The following ALPK1 variants were observed in gnomAD, a reference collection of about 807,000 sequenced individuals.
ALPK1 encodes alpha kinase 1.
In ALPK1, 110 loss-of-function variants were observed where a neutral mutation model predicts 120.6. That is an observed-to-expected ratio of 0.91 (90% confidence interval 0.78 to 1.07). ALPK1 has a LOEUF of 1.07. ALPK1 is among the 50% of genes least tolerant of loss of function. ALPK1 has a pLI of 0.00. For synonymous variants in ALPK1, 582 were observed against 560.3 expected (o/e 1.04, Z -0.55); for missense variants, 1,498 against 1,483.9 (o/e 1.01, Z -0.16).
At chr4:112,367,575 T>C (rs1010118272) in intron 2 of ALPK1, among the ~76,000 whole-genome samples, 5 of 152,202 alleles carry the variant, frequency 3.3e-5, no homozygotes, top group Non-Finnish European at 4.4e-5. Flanking sequence ...CACCATTTTA[T>C]ATAAGAGACT....
chr4:112,432,195 A>G lies in ALPK1; in HGVS notation c.2648A>G (p.Gln883Arg). 4 of 1,614,220 alleles carry G rather than the reference A, an allele frequency of 2.5e-6. No individual in the cohort carries two copies. The highest frequency in any genetic ancestry group is 1.3e-5 in the African/African-American group (1 of 75,070). ...RLCILRQPPG[Q>R]RAETPNSSVS... Reference sequence around the variant, plus strand: ...TGCATTCTGAGACAGCCGCCTGGTCAGAGGGCGGAGACCCCCAATTCCTCT... The same window carrying G: ...TGCATTCTGAGACAGCCGCCTGGTCGGAGGGCGGAGACCCCCAATTCCTCT... Residue 883 changes from glutamine (Q) to arginine (R), a missense_variant, in exon 11 of 16, where the codon CAG becomes CGG. Coordinates refer to ENST00000650871, the MANE Select transcript of ALPK1 (RefSeq NM_025144.4).
At chr4:112,416,875 CAAAA>C (rs56919059) in intron 5 of ALPK1, among the ~76,000 whole-genome samples, 1 of 106,254 alleles carries the variant, frequency 9.4e-6, no homozygotes, top group Admixed American at 9.5e-5. Context: ...GACCCTGTCT[CAAAA>C]AAAAAAAAAA....
chr4:112,353,557 C>CT (rs556267674), intron 2 of ALPK1, among the ~76,000 whole-genome samples: 1 of 152,024 alleles, frequency 6.6e-6, no homozygotes, highest in Admixed American at 6.6e-5. Context: ...TATCCATTTA[C>CT]TTTTTTTTCA....
chr4:112,367,300 A>G (rs1281888063), intron 2 of ALPK1, among the ~76,000 whole-genome samples: 1 of 152,254 alleles, frequency 6.6e-6, no homozygotes, highest in Non-Finnish European at 1.5e-5. Flanking sequence ...AAAAAAGAAC[A>G]GTAGACTATA....
intron 11 of ALPK1, among the ~76,000 whole-genome samples, chr4:112,434,347 A>G (rs1483402139): frequency 6.6e-6 from 1 of 152,180 alleles, no homozygotes; most frequent in Non-Finnish European, 1.5e-5. Context: ...CCCAGCCCAC[A>G]GGCATCCCCT....
rs753083783 is a variant in ALPK1 at position 112,382,459 on chromosome 4, C to T, written c.183C>T (p.Phe61=). 24 of 1,614,068 alleles carry T rather than the reference C, an allele frequency of 1.5e-5. No individual in the cohort carries two copies. The highest frequency in any genetic ancestry group is 2.2e-5 in the South Asian group (2 of 91,074). The change falls in exon 4 of 16, where the codon TTC becomes TTT. Residue 61 remains phenylalanine (F), a synonymous_variant. Transcript: ENST00000650871. The part of the protein sequence containing the change: ...IQEAKEMKWP[F]VPEKWQYKQA... ...AGGCAAAGGAAATGAAGTGGCCCTT[C>T]GTGCCTGAAAAGTGGCAGTACAAAC...
intron 2 of ALPK1, among the ~76,000 whole-genome samples, chr4:112,335,727 A>G (rs937543049): frequency 3.3e-5 from 5 of 152,326 alleles, no homozygotes; most frequent in South Asian, 4.1e-4. Context: ...CATCTGAATA[A>G]GGGAAAGCTT....
At chr4:112,337,333 T>G (rs1038340712) in intron 2 of ALPK1, among the ~76,000 whole-genome samples, 2 of 152,212 alleles carry the variant, frequency 1.3e-5, no homozygotes, top group Non-Finnish European at 2.9e-5. Flanking sequence ...AAACATAGTT[T>G]TGGTGGCATT....
At chr4:112,424,527 C>A (rs73841013) in intron 6 of ALPK1, among the ~76,000 whole-genome samples, 190 of 152,258 alleles carry the variant, frequency 1.2e-3, no homozygotes, top group African/African-American at 4.4e-3. Context: ...TAACAAATAA[C>A]TTAAGGCTTC....
At chr4:112,332,659 T>C (rs1729436314) in intron 2 of ALPK1, among the ~76,000 whole-genome samples, 1 of 152,214 alleles carries the variant, frequency 6.6e-6, no homozygotes, top group Admixed American at 6.5e-5. Context: ...TCTTCTCTAA[T>C]TCTAAATACA....
At chr4:112,438,879 C>A (rs1182410922) in intron 13 of ALPK1, among the ~76,000 whole-genome samples, 3 of 152,154 alleles carry the variant, frequency 2.0e-5, no homozygotes, top group Non-Finnish European at 2.9e-5. Flanking sequence ...CCCTTGCAAC[C>A]AAGTGATTGC....
chr4:112,417,142 A>G (rs1733780154), intron 5 of ALPK1, among the ~76,000 whole-genome samples: 1 of 152,204 alleles, frequency 6.6e-6, no homozygotes, highest in South Asian at 2.1e-4. Context: ...GATAAAATAG[A>G]CATTTTCAGA....
At chr4:112,406,645 AT>A (rs1733187198) in intron 4 of ALPK1, among the ~76,000 whole-genome samples, 1 of 152,326 alleles carries the variant, frequency 6.6e-6, no homozygotes, top group East Asian at 1.9e-4. Context: ...AAGGCAAGTC[AT>A]AGAAGTTAGA....
intron 4 of ALPK1, among the ~76,000 whole-genome samples, chr4:112,397,918 G>A (rs1333027188): frequency 6.6e-6 from 1 of 152,108 alleles, no homozygotes; most frequent in Non-Finnish European, 1.5e-5. Context: ...AAACATTACT[G>A]TTGATGAGAT....
chr4:112,442,611 A>T lies in ALPK1; in HGVS notation c.*1401A>T, dbSNP rs1343237270. On this transcript the variant is annotated 3_prime_UTR_variant, in exon 16 of 16. Transcript: ENST00000650871. ...CCCTGAACTTAAAATAAAAGTAAAA[A>T]AAAAAAATCATTGAATATTGTGAAC... 1.3e-5 allele frequency: 2 copies of T among 152,048 alleles called. No homozygotes were observed. The highest frequency in any genetic ancestry group is 2.9e-5 in the Non-Finnish European group (2 of 68,018). 9.4% of individuals were successfully genotyped at this position (152,048 alleles called of 1,614,324 possible).
intron 2 of ALPK1, among the ~76,000 whole-genome samples, chr4:112,365,652 A>G (rs915361102): frequency 6.6e-5 from 10 of 152,304 alleles, no homozygotes; most frequent in African/African-American, 2.4e-4. Context: ...TATAAATTCA[A>G]TGCAATTCCC....
chr4:112,430,494 G>C lies in ALPK1; in HGVS notation c.947G>C (p.Cys316Ser), dbSNP rs564233871. ...CLLSYSSSND[C>S]PPELKNLHLC... The stretch of plus-strand genomic sequence containing the variant: ...TTGTCCTACAGTAGTTCAAATGACT[G>C]TCCTCCAGAATTGAAAAACTTACAT... Residue 316 changes from cysteine to serine, a missense_variant, in exon 11 of 16, where the codon TGT becomes TCT. Cys to Ser is a moderately radical substitution (Grantham distance 112). Coordinates refer to ENST00000650871, the MANE Select transcript of ALPK1 (RefSeq NM_025144.4). 187 of 1,613,328 alleles carry C rather than the reference G, an allele frequency of 1.2e-4. 2 individuals are homozygous for C. In the South Asian group the frequency reaches 2.0e-3, roughly 17 times the overall value.
Position 112,377,824 on chromosome 4 carries a change from A to G in ALPK1, c.47A>G (p.Gln16Arg). 6.2e-7 allele frequency: 1 copy of G among 1,613,722 alleles called. No homozygotes were observed. The highest frequency in any genetic ancestry group is 1.3e-5 in the African/African-American group (1 of 75,028). Residue 16 changes from glutamine to arginine, a missense_variant, in exon 3 of 16, where the codon CAA becomes CGA. Transcript: ENST00000650871. Reference sequence around the variant, plus strand: ...GCTGTGCTACTGCAAGAGTGCAAGCAAGTGCTGGATCAGCTCTTGTTGGAA... The same window carrying G: ...GCTGTGCTACTGCAAGAGTGCAAGCGAGTGCTGGATCAGCTCTTGTTGGAA... Reference protein sequence around the residue: ...VVAVLLQECKQVLDQLLLEAP... With the variant: ...VVAVLLQECKRVLDQLLLEAP...
intron 1 of ALPK1, among the ~76,000 whole-genome samples, chr4:112,308,093 T>G (rs1403939103): frequency 1.3e-5 from 2 of 152,142 alleles, no homozygotes. Context: ...TCTTCTGGCT[T>G]GTAGAGTTTC....
Sources: gnomAD v4.1 joint callset for allele counts (sites outside exome capture counted in the v4.1 genomes callset) on GRCh38, gnomAD v4.1.1 for gene constraint, MANE v1.5 for transcripts, NCBI Gene and HGNC (gene_info 2026-07-23, HGNC 2026-07-21) for gene names.